The following MYO16 variants were observed in gnomAD, a reference collection of about 807,000 sequenced individuals.
MYO16 encodes unconventional myosin-XVI.
Under a neutral mutation model 205.3 loss-of-function variants are expected in MYO16, and 94 were observed. That is an observed-to-expected ratio of 0.46 (90% CI 0.39 to 0.54). The LOEUF is 0.54. MYO16 is among the 20% of genes least tolerant of loss of function. The pLI is 0.00. For synonymous variants in MYO16, 988 were observed against 954.0 expected, an observed-to-expected ratio of 1.04 and a Z score of -0.66; for missense variants, 2,315 against 2,387.5, an observed-to-expected ratio of 0.97 and a Z score of 0.63.
At chr13:109,099,983 G>A (rs565605367) in intron 27 of MYO16, among the ~76,000 whole-genome samples, 11 of 152,268 alleles carry the variant, frequency 7.2e-5, no homozygotes, top group African/African-American at 2.2e-4. Flanking sequence ...CGGAACAGCC[G>A]AACATGAGAA....
chr13:108,586,161 T>G, the MYO16 span, among the ~76,000 whole-genome samples: 2 of 151,942 alleles, frequency 1.3e-5, no homozygotes, highest in East Asian at 3.9e-4. Flanking sequence ...CATACACACA[T>G]GTATCCCAGA....
chr13:108,570,078 C>G, the MYO16 span, among the ~76,000 whole-genome samples: 1 of 152,028 alleles, frequency 6.6e-6, no homozygotes, highest in South Asian at 2.1e-4. Context: ...TGGAAATTAT[C>G]TATACATAGT....
intron 15 of MYO16, among the ~76,000 whole-genome samples, chr13:108,900,357 C>A (rs1432919561): frequency 6.6e-6 from 1 of 152,124 alleles, no homozygotes; most frequent in Non-Finnish European, 1.5e-5. Flanking sequence ...CTTGTCCAGG[C>A]AGCATTGAGA....
chr13:108,795,733 C>A (rs1381272485), intron 6 of MYO16, among the ~76,000 whole-genome samples: 1 of 151,946 alleles, frequency 6.6e-6, no homozygotes, highest in Non-Finnish European at 1.5e-5. Context: ...TAATAGTGAC[C>A]AAAATTCTTT....
rs905364732 is a variant in MYO16, at chr13:108,801,602, A to C, written c.742-5077A>C. On this transcript the variant is annotated intron_variant, in intron 6 of 34. Coordinates refer to ENST00000457511, the MANE Select transcript of MYO16 (RefSeq NM_001198950.3). The stretch of plus-strand genomic sequence containing the variant: ...AATTGTATACTATGCTTTCCTAAAA[A>C]TCTAGGGTTTAGAAGCCCAATAGCA... Among the ~76,000 whole-genome samples, 18 of 152,226 alleles carry C rather than the reference A, an allele frequency of 1.2e-4. 1 individual carries two copies. Among genetic ancestry groups the C allele is most frequent in the Admixed American group, 2.0e-4 (3 of 15,282 alleles).
chr13:109,199,192 GTATATATATATATATATA>G (rs4000581), intron 34 of MYO16, among the ~76,000 whole-genome samples: 10,348 of 75,540 alleles, frequency 0.14, 928 homozygotes, highest in Admixed American at 0.2. Flanking sequence ...AATAAAAAAG[GTATATATATATATATATA>G]TATATATATA....
rs1880608483 is a variant in MYO16 at position 109,206,646 on chromosome 13, T to C, written c.5453T>C (p.Val1818Ala). The change falls in exon 35 of 35, where the codon GTG becomes GCG. Residue 1818 changes from valine (V) to alanine (A), a missense_variant. This residue lies in a region of MYO16 where 1,097 missense variants were observed against 1,092.0 expected (regional missense o/e 1.00). Transcript: ENST00000457511. The part of the protein sequence containing the change: ...HQLRLSENES[V>A]ALQELLDWRR... ...CTGAGGCTCTCAGAGAATGAAAGTG[T>C]GGCCCTGCAGGAACTCTTGGACTGG... is the stretch of plus-strand genomic sequence containing the variant. The C allele has an allele frequency of 1.2e-6, 2 of 1,613,866 alleles. No individual in the cohort carries two copies. Among genetic ancestry groups the C allele is most frequent in the African/African-American group, 2.7e-5 (2 of 74,912 alleles).
intron 16 of MYO16, among the ~76,000 whole-genome samples, chr13:108,952,067 T>C (rs1044537835): frequency 6.6e-6 from 1 of 151,688 alleles, no homozygotes; most frequent in African/African-American, 2.4e-5. Context: ...GCTGAGATCA[T>C]GCCATTGCAC....
intron 7 of MYO16, among the ~76,000 whole-genome samples, chr13:108,808,079 C>A (rs10492414): frequency 0.64 from 96,383 of 151,310 alleles, 32,493 homozygotes; most frequent in East Asian, 0.77. Flanking sequence ...CAGTAATGAC[C>A]AAGGCAGAAA....
At chr13:108,685,055 G>A (rs1408844863) in intron 2 of MYO16, among the ~76,000 whole-genome samples, 1 of 144,326 alleles carries the variant, frequency 6.9e-6, no homozygotes. Flanking sequence ...ATAGAGTCTC[G>A]GTCTGTTGCC....
At chr13:109,098,659 G>T (rs549478155) in intron 27 of MYO16, among the ~76,000 whole-genome samples, 1 of 152,212 alleles carries the variant, frequency 6.6e-6, no homozygotes, top group Non-Finnish European at 1.5e-5. Context: ...TGGTTTCGCT[G>T]GGATTCAGAA....
chr13:109,144,399 TC>T (rs1296890514), intron 32 of MYO16, among the ~76,000 whole-genome samples: 1 of 152,192 alleles, frequency 6.6e-6, no homozygotes, highest in Non-Finnish European at 1.5e-5. Flanking sequence ...TTCAGGCCAT[TC>T]TTTTAGAATG....
rs74119886 is a variant in MYO16 at position 109,177,448 on chromosome 13, C to A, written c.5324-2094C>A. Among the ~76,000 whole-genome samples the A allele has an allele frequency of 4.2e-3, 636 of 152,158 alleles. 3 individuals carry two copies. Among genetic ancestry groups the A allele is most frequent in the African/African-American group, 0.014 (595 of 41,488 alleles). On this transcript the variant is annotated intron_variant, in intron 33 of 34. Coordinates refer to ENST00000457511, the MANE Select transcript of MYO16 (RefSeq NM_001198950.3). ...TATCGATTCCGCTCTGAGCTTATAC[C>A]CTTTCAACTGAGTTTCTGTTTTGAT...
chr13:108,786,986 TG>T (rs1298312079), intron 5 of MYO16, among the ~76,000 whole-genome samples: 14 of 152,284 alleles, frequency 9.2e-5, no homozygotes, highest in African/African-American at 2.9e-4. Context: ...ACTTCTTAGT[TG>T]GGAAGTTAAT....
the MYO16 span, among the ~76,000 whole-genome samples, chr13:108,568,712 A>G: frequency 1.3e-5 from 2 of 151,700 alleles, no homozygotes; most frequent in African/African-American, 4.8e-5. Flanking sequence ...CTACTTTATT[A>G]TTATTATTAT....
At chr13:108,571,720 T>C in the MYO16 span, among the ~76,000 whole-genome samples, 1 of 151,372 alleles carries the variant, frequency 6.6e-6, no homozygotes, top group Non-Finnish European at 1.5e-5. Context: ...TGTGTGTGTG[T>C]GTCTGAATAG....
the MYO16 span, among the ~76,000 whole-genome samples, chr13:108,517,848 A>G: frequency 6.6e-6 from 1 of 152,172 alleles, no homozygotes; most frequent in African/African-American, 2.4e-5. Context: ...GCACCAGCAG[A>G]TTTGGTGTCT....
At chr13:108,519,350 A>G in the MYO16 span, among the ~76,000 whole-genome samples, 1 of 152,146 alleles carries the variant, frequency 6.6e-6, no homozygotes, top group African/African-American at 2.4e-5. Flanking sequence ...CTTTTTCTGC[A>G]TGGTGGAACT....
intron 4 of MYO16, among the ~76,000 whole-genome samples, chr13:108,745,449 T>A (rs1885031039): frequency 6.6e-6 from 1 of 152,074 alleles, no homozygotes; most frequent in East Asian, 1.9e-4. Flanking sequence ...ATAAAACAGA[T>A]GTTTTGCAGA....
Sources: gnomAD v4.1 joint callset for allele counts (sites outside exome capture counted in the v4.1 genomes callset) on GRCh38, gnomAD v4.1.1 for gene constraint, gnomAD v4.1.1 regional missense constraint, MANE v1.5 for transcripts, NCBI Gene and HGNC (gene_info 2026-07-23, HGNC 2026-07-21) for gene names.